ACSM6: variants seen among roughly 807,000 people sequenced by gnomAD.
ACSM6 encodes acyl-CoA synthetase medium chain family member 6.
ACSM6 carries 35 observed loss-of-function variants against 51.1 expected under a neutral mutation model. That is an observed-to-expected ratio of 0.69 (90% CI 0.52 to 0.91). The LOEUF is 0.91. Among genes scored for constraint, ACSM6 ranks in the 40% least tolerant of loss-of-function variants. ACSM6 has a pLI of 0.00. For synonymous variants in ACSM6, 172 were observed against 207.3 expected, an observed-to-expected ratio of 0.83 and a Z score of 1.46; for missense variants, 509 against 584.1, an observed-to-expected ratio of 0.87 and a Z score of 1.32.
intron 5 of ACSM6, among the ~76,000 whole-genome samples, chr10:95,211,044 G>T (rs939469470): frequency 6.6e-6 from 1 of 152,164 alleles, no homozygotes; most frequent in African/African-American, 2.4e-5. Flanking sequence ...GATCCAGGAT[G>T]ATCACCCCAA....
Position 95,212,998 on chromosome 10 carries a change from T to C in ACSM6, c.995+58T>C. 3 of 1,407,448 alleles carry C rather than the reference T, an allele frequency of 2.1e-6. No homozygotes were observed. In the Admixed American group the frequency reaches 5.1e-5, roughly 24 times the overall value. 87.2% of individuals were successfully genotyped at this position (1,407,448 alleles called of 1,614,324 possible). A position where few individuals can be genotyped will look rare whatever the true frequency, so the allele number is the denominator to read the frequency against. ...TCCACTCATGGTACCATAAATAAAA[T>C]TAGGACCCCTTAATTTGTTGAAGTA... On this transcript the variant is annotated intron_variant, in intron 7 of 10. Coordinates refer to ENST00000341686, the Ensembl canonical transcript of ACSM6.
chr10:95,203,177 T>G lies in ACSM6; in HGVS notation c.403+982T>G, dbSNP rs867384030. 1.8e-4 allele frequency among the ~76,000 whole-genome samples: 27 copies of G among 152,176 alleles called. 1 individual carries two copies. The highest frequency in any genetic ancestry group is 3.4e-3 in the Middle Eastern group (1 of 294). ...TAGGAGCGCAAATCCTATTGTGAAC[T>G]GTGCATGCGAGGAATCTGGGTTGTG... On this transcript the variant is annotated intron_variant, in intron 3 of 10. Coordinates refer to ENST00000341686, the Ensembl canonical transcript of ACSM6.
At position 95,199,955 on chromosome 10, in the gene ACSM6, G is replaced by T. The variant is rs531370946; in HGVS notation, c.193-2030G>T. On this transcript the variant is annotated intron_variant, in intron 2 of 10. Transcript: ENST00000341686. ...GGAAGTCAGTGTGGCCGTTCCTCAG[G>T]GATCTAGAACTAGAAATACTATTTG... Among the ~76,000 whole-genome samples, 13 of 152,220 alleles carry T rather than the reference G, an allele frequency of 8.5e-5. No homozygotes were observed. The South Asian group carries it at 2.3e-3, about 27-fold the overall frequency.
intron 2 of ACSM6, among the ~76,000 whole-genome samples, chr10:95,199,572 G>A (rs1258772213): frequency 3.7e-4 from 53 of 143,114 alleles, no homozygotes; most frequent in Middle Eastern, 7.2e-3. Flanking sequence ...GCAACCTACA[G>A]AATGGGAGAA....
At chr10:95,227,709 T>C (rs1308952272) in intron 10 of ACSM6, among the ~76,000 whole-genome samples, 2 of 152,230 alleles carry the variant, frequency 1.3e-5, no homozygotes, top group Admixed American at 6.5e-5. Context: ...AACAAGCAGG[T>C]TGTCCATTAG....
intron 9 of ACSM6, among the ~76,000 whole-genome samples, chr10:95,220,937 TTTC>T (rs551675430): frequency 1.8e-4 from 27 of 152,264 alleles, no homozygotes; most frequent in Admixed American, 3.9e-4. Context: ...TTTCGTTGCA[TTTC>T]TTTCTTTTTA....
At chr10:95,195,199 T>C (rs2133366184) in intron 2 of ACSM6, among the ~76,000 whole-genome samples, 1 of 152,312 alleles carries the variant, frequency 6.6e-6, no homozygotes, top group East Asian at 1.9e-4. Flanking sequence ...AAGCAAATGA[T>C]AGCCACAAAG....
chr10:95,197,000 A>G (rs1390628497), intron 2 of ACSM6, among the ~76,000 whole-genome samples: 2 of 152,204 alleles, frequency 1.3e-5, no homozygotes, highest in Admixed American at 1.3e-4. Context: ...CATTACCAGA[A>G]GTGAAATTAC....
intron 3 of ACSM6, among the ~76,000 whole-genome samples, chr10:95,205,382 G>C (rs1244465097): frequency 6.6e-6 from 1 of 152,138 alleles, no homozygotes; most frequent in African/African-American, 2.4e-5. Context: ...CGCAATGTCA[G>C]TGAGGGCCCA....
Position 95,197,602 on chromosome 10 carries a change from A to G in ACSM6, c.192+2925A>G, listed in dbSNP as rs528841079. 4.1e-3 allele frequency among the ~76,000 whole-genome samples: 622 copies of G among 151,414 alleles called. 1 individual carries two copies. Among genetic ancestry groups the G allele is most frequent in the African/African-American group, 9.9e-3 (408 of 41,128 alleles). On this transcript the variant is annotated intron_variant, in intron 2 of 10. Coordinates refer to ENST00000341686, the Ensembl canonical transcript of ACSM6. ...GGAAGCATTGCTGCAAACATGTCTCACCTCCCACCATAGGGCGGTTTTTCT... is the reference window on the plus strand; with the variant it reads ...GGAAGCATTGCTGCAAACATGTCTCGCCTCCCACCATAGGGCGGTTTTTCT...
intron 2 of ACSM6, 113 bp downstream of exon 2, chr10:95,194,790 C>T: frequency 1.1e-6 from 1 of 947,742 alleles, no homozygotes; most frequent in Non-Finnish European, 1.5e-6. Flanking sequence ...AGTGCAAATT[C>T]AGAGAAAAGA....
chr10:95,211,610 T>C (rs1226732814), intron 5 of ACSM6, among the ~76,000 whole-genome samples: 2 of 152,214 alleles, frequency 1.3e-5, no homozygotes, highest in East Asian at 3.8e-4. Flanking sequence ...TAAAAGTGCC[T>C]ACTGGATTAA....
chr10:95,222,881 G>A (rs917211309), intron 9 of ACSM6, among the ~76,000 whole-genome samples: 6 of 142,752 alleles, frequency 4.2e-5, no homozygotes, highest in African/African-American at 1.2e-4. Context: ...AGGGTGGGAG[G>A]AAACTTTTGA....
chr10:95,207,883 G>A (rs1450793265), intron 4 of ACSM6, among the ~76,000 whole-genome samples: 1 of 152,186 alleles, frequency 6.6e-6, no homozygotes, highest in African/African-American at 2.4e-5. Flanking sequence ...GCTCATGCCT[G>A]TAATCCTAGC....
At chr10:95,213,059 G>A in intron 7 of ACSM6, 119 bp downstream of exon 7, 1 of 790,072 alleles carries the variant, frequency 1.3e-6, no homozygotes, top group South Asian at 1.7e-5. Flanking sequence ...CACTTGTCTT[G>A]TTGCCATTCA....
chr10:95,225,761 A>G (rs2035030869), intron 10 of ACSM6: 1 of 158,244 alleles, frequency 6.3e-6, no homozygotes, highest in Non-Finnish European at 1.4e-5. Context: ...TCTAGCCAAT[A>G]CTTAGACTTT....
chr10:95,219,812 T>C, intron 8 of ACSM6, 79 bp from the exon 9 acceptor site: 1 of 1,055,242 alleles, frequency 9.5e-7, no homozygotes, highest in Non-Finnish European at 1.4e-6. Context: ...AGGCACATAA[T>C]GTCTGGTTAT....
At chr10:95,209,952 C>T (rs1036524085) in intron 4 of ACSM6, among the ~76,000 whole-genome samples, 3 of 152,104 alleles carry the variant, frequency 2.0e-5, no homozygotes, top group Non-Finnish European at 4.4e-5. Flanking sequence ...AAGTGCCTAT[C>T]TGGATTATAG....
intron 3 of ACSM6, among the ~76,000 whole-genome samples, chr10:95,203,901 A>G (rs1325454186): frequency 2.0e-5 from 3 of 149,506 alleles, no homozygotes; most frequent in Non-Finnish European, 4.4e-5. Context: ...TGATTCAAAG[A>G]GCAGGTGTCT....
Sources: gnomAD v4.1 joint callset for allele counts (sites outside exome capture counted in the v4.1 genomes callset) on GRCh38, gnomAD v4.1.1 for gene constraint, MANE v1.5 for transcripts, NCBI Gene and HGNC (gene_info 2026-07-23, HGNC 2026-07-21) for gene names.